Variants in CAMK2B observed in about 807,000 individuals in gnomAD.
CAMK2B encodes calcium/calmodulin-dependent protein kinase type II subunit beta.
CAMK2B carries 27 observed loss-of-function variants against 93.7 expected under a neutral mutation model. That is an observed-to-expected ratio of 0.29 (90% CI 0.21 to 0.40). CAMK2B has a LOEUF of 0.40. CAMK2B is among the 10% of genes least tolerant of loss of function. The probability of loss-of-function intolerance (pLI) is 1.00; values close to 1 mark genes in which losing one functional copy is unlikely to be tolerated. For missense variants in CAMK2B, 568 were observed against 895.8 expected, an observed-to-expected ratio of 0.63 and a Z score of 4.67; for synonymous variants, 374 against 358.8, an observed-to-expected ratio of 1.04 and a Z score of -0.48.
At chr7:44,290,401 C>G (rs923192925) in intron 1 of CAMK2B, among the ~76,000 whole-genome samples, 1 of 152,212 alleles carries the variant, frequency 6.6e-6, no homozygotes, top group Non-Finnish European at 1.5e-5. Context: ...GAGTCTGGGC[C>G]GGCCACAGAA....
intron 1 of CAMK2B, among the ~76,000 whole-genome samples, chr7:44,322,051 G>A (rs553994033): frequency 1.3e-5 from 2 of 152,244 alleles, no homozygotes; most frequent in Non-Finnish European, 2.9e-5. Flanking sequence ...GACGGTGCTG[G>A]CCACAGTGTG....
chr7:44,245,304 C>T (rs2096719632), intron 6 of CAMK2B, among the ~76,000 whole-genome samples: 1 of 152,172 alleles, frequency 6.6e-6, no homozygotes, highest in Admixed American at 6.5e-5. Context: ...TGCTCTCTAC[C>T]ACCCTCCCCA....
chr7:44,313,914 T>G (rs73317787), intron 1 of CAMK2B, among the ~76,000 whole-genome samples: 3,258 of 151,820 alleles, frequency 0.021, 120 homozygotes, highest in African/African-American at 0.074. Flanking sequence ...GCGAAGACAC[T>G]TCGCAGCAGA....
chr7:44,239,730 G>T, intron 12 of CAMK2B, 67 bp from the exon 13 acceptor site: 1 of 1,116,352 alleles, frequency 9.0e-7, no homozygotes. Context: ...GGGTGGGCGA[G>T]GTAAGGGAAG....
In CAMK2B at chr7:44,271,379, C is replaced by T. The variant is rs2096972783; in HGVS notation, c.161-8315G>A. Reference sequence around the variant, plus strand: ...AGTGACAGAGTACTTGGGAGCCAAGCGCAGCCCTGTGTGGCACTGAGCAGC... The same window carrying T: ...AGTGACAGAGTACTTGGGAGCCAAGTGCAGCCCTGTGTGGCACTGAGCAGC... On this transcript the variant is annotated intron_variant, in intron 2 of 23. Transcript: ENST00000395749. This position sits in a 1 kb window ranked among gnomAD's most constrained non-coding sequence, Gnocchi z 4.2. Among the ~76,000 whole-genome samples the T allele has an allele frequency of 6.6e-6, 1 of 152,242 alleles. No individual in the cohort carries two copies. Among genetic ancestry groups the T allele is most frequent in the South Asian group, 2.1e-4 (1 of 4,836 alleles).
chr7:44,258,141 G>C (rs2096849665), intron 4 of CAMK2B, among the ~76,000 whole-genome samples: 1 of 152,244 alleles, frequency 6.6e-6, no homozygotes, highest in South Asian at 2.1e-4. Context: ...AATCCGGCAG[G>C]AAGTGAGAGG....
At chr7:44,307,838 C>G (rs1251534411) in intron 1 of CAMK2B, among the ~76,000 whole-genome samples, 1 of 152,134 alleles carries the variant, frequency 6.6e-6, no homozygotes, top group Non-Finnish European at 1.5e-5. Context: ...TGAGCTGTTG[C>G]TGCTGTCATC....
chr7:44,260,442 G>A (rs1402802459), intron 3 of CAMK2B, among the ~76,000 whole-genome samples: 1 of 152,128 alleles, frequency 6.6e-6, no homozygotes, highest in Non-Finnish European at 1.5e-5. Flanking sequence ...CCAAGGGCAG[G>A]CCAGGCCCCA....
intron 2 of CAMK2B, among the ~76,000 whole-genome samples, chr7:44,279,532 GC>G (rs1157885949): frequency 6.6e-6 from 1 of 152,224 alleles, no homozygotes; most frequent in Non-Finnish European, 1.5e-5. Context: ...ATGCCAGGCA[GC>G]CCCCTGGCTG....
intron 22 of CAMK2B, 29 bp from the exon 23 acceptor site, chr7:44,220,323 C>T (rs374775987): frequency 3.2e-6 from 5 of 1,565,688 alleles, no homozygotes; most frequent in Admixed American, 1.7e-5. Context: ...GCGGGGGTCT[C>T]GGGTTACCAT....
chr7:44,260,697 G>A (rs2096872575), intron 3 of CAMK2B, among the ~76,000 whole-genome samples: 1 of 152,168 alleles, frequency 6.6e-6, no homozygotes, highest in South Asian at 2.1e-4. Flanking sequence ...ATCATCACCT[G>A]AGTGTGAAGA....
At chr7:44,298,134 C>G (rs1217497240) in intron 1 of CAMK2B, among the ~76,000 whole-genome samples, 1 of 152,004 alleles carries the variant, frequency 6.6e-6, no homozygotes, top group East Asian at 1.9e-4. Flanking sequence ...AAAAACAAAA[C>G]AAAACAAAAA....
At chr7:44,220,547 C>G in intron 22 of CAMK2B, 69 bp downstream of exon 22, 1 of 1,362,200 alleles carries the variant, frequency 7.3e-7, no homozygotes, top group Non-Finnish European at 1.0e-6. Context: ...CCATGCTGTC[C>G]CTGGGAGGGG....
At chr7:44,234,752 C>T (rs1331781049) in intron 13 of CAMK2B, 76 bp from the exon 14 acceptor site, 1 of 1,469,792 alleles carries the variant, frequency 6.8e-7, no homozygotes, top group Non-Finnish European at 9.5e-7. Context: ...ACCCCTTTGC[C>T]TGACCCCACT....
chr7:44,311,036 T>C lies in CAMK2B; in HGVS notation c.65+14321A>G, dbSNP rs1793395111. On this transcript the variant is annotated intron_variant, in intron 1 of 23. Coordinates refer to ENST00000395749, the MANE Select transcript of CAMK2B (RefSeq NM_001220.5). This position sits in a 1 kb window ranked among gnomAD's most constrained non-coding sequence, Gnocchi z 4.2. ...ATTAAGAAATAATGACAGAAACTGGTACTTGCAATGCTGTCTTTAAAATCT... is the reference window on the plus strand; with the variant it reads ...ATTAAGAAATAATGACAGAAACTGGCACTTGCAATGCTGTCTTTAAAATCT... 6.6e-6 allele frequency among the ~76,000 whole-genome samples: 1 copy of C among 152,214 alleles called. No homozygotes were observed. Among genetic ancestry groups the C allele is most frequent in the Non-Finnish European group, 1.5e-5 (1 of 68,036 alleles).
chr7:44,307,264 G>T, intron 1 of CAMK2B, among the ~76,000 whole-genome samples: 1 of 141,616 alleles, frequency 7.1e-6, no homozygotes, highest in Non-Finnish European at 1.5e-5. Context: ...GAGGGTGTGA[G>T]CAAGGGGAGG....
chr7:44,287,251 C>T (rs11771440), intron 1 of CAMK2B, among the ~76,000 whole-genome samples: 3,639 of 152,178 alleles, frequency 0.024, 63 homozygotes, highest in South Asian at 0.082. Context: ...CATCGCCGCC[C>T]CCCAATTTTC....
At chr7:44,272,774 G>A (rs1226482417) in intron 2 of CAMK2B, among the ~76,000 whole-genome samples, 1 of 152,238 alleles carries the variant, frequency 6.6e-6, no homozygotes, top group African/African-American at 2.4e-5. Context: ...ACACTGGGGG[G>A]TCCACAGCAT....
Position 44,269,904 on chromosome 7 carries a change from C to A in CAMK2B, c.161-6840G>T, listed in dbSNP as rs1010613390. Among the ~76,000 whole-genome samples, 6 of 152,244 alleles carry A rather than the reference C, an allele frequency of 3.9e-5. No individual in the cohort carries two copies. The East Asian group carries it at 1.2e-3, about 29-fold the overall frequency. Reference sequence around the variant, plus strand: ...CTGAGGGGTGGGGCTCCCTAGGTGCCATGAGTCCTGCCCACCACGTGGCCT... The same window carrying A: ...CTGAGGGGTGGGGCTCCCTAGGTGCAATGAGTCCTGCCCACCACGTGGCCT... On this transcript the variant is annotated intron_variant, in intron 2 of 23. Transcript: ENST00000395749.
Sources: allele counts gnomAD v4.1 joint callset (sites outside exome capture counted in the v4.1 genomes callset), GRCh38; gene constraint gnomAD v4.1.1; non-coding constraint Gnocchi (gnomAD v3.1); transcripts MANE v1.5; gene names NCBI Gene and HGNC (gene_info 2026-07-23, HGNC 2026-07-21).